Variants in CDC45 observed in about 807,000 individuals in gnomAD.
The protein encoded by CDC45 is cell division control protein 45 homolog.
Under a neutral mutation model 77.8 loss-of-function variants are expected in CDC45, and 54 were observed. The observed-to-expected ratio is 0.69, with a 90% CI of 0.56 to 0.87. CDC45 has a LOEUF of 0.87. Among genes scored for constraint, CDC45 ranks in the 40% least tolerant of loss-of-function variants. The pLI, the probability that CDC45 is intolerant of heterozygous loss-of-function variation, is 0.00. For missense variants in CDC45, 649 were observed against 721.6 expected, an observed-to-expected ratio of 0.90 and a Z score of 1.15; for synonymous variants, 260 against 272.1, an observed-to-expected ratio of 0.96 and a Z score of 0.44.
chr22:19,499,032 C>A (rs979289706), intron 8 of CDC45, 69 bp from the exon 9 acceptor site: 2 of 1,517,380 alleles, frequency 1.3e-6, no homozygotes, highest in Non-Finnish European at 1.8e-6. Context: ...CATCATCTCA[C>A]TCCATCCCCC....
chr22:19,513,298 A>C (rs1002936826), intron 13 of CDC45, among the ~76,000 whole-genome samples: 3 of 152,196 alleles, frequency 2.0e-5, no homozygotes, highest in African/African-American at 7.2e-5. Flanking sequence ...AAAAAGATAT[A>C]AATTGTCTTA....
At chr22:19,496,158 C>G (rs1287156127) in intron 7 of CDC45, 129 bp downstream of exon 7, 1 of 679,478 alleles carries the variant, frequency 1.5e-6, no homozygotes, top group South Asian at 1.7e-5. Flanking sequence ...ATGTCTTCCC[C>G]CTGTGTGACC....
Position 19,482,819 on chromosome 22 carries a change from G to C in CDC45, c.334G>C (p.Asp112His), listed in dbSNP as rs768226051. 1 of 1,613,910 alleles carries C rather than the reference G, an allele frequency of 6.2e-7. No homozygotes were observed. Among genetic ancestry groups the C allele is most frequent in the South Asian group, 1.1e-5 (1 of 91,060 alleles). Reference sequence around the variant, plus strand: ...AGTCAATGTCGTCAATGTATACAACGATACCCAGGTACTTTTTGTGCTATG... The same window carrying C: ...AGTCAATGTCGTCAATGTATACAACCATACCCAGGTACTTTTTGTGCTATG... ...RPVNVVNVYN[D>H]TQIKLLIKQD... Residue 112 changes from aspartate (D) to histidine (H), a missense_variant, in exon 4 of 19, where the codon GAT becomes CAT. By Grantham distance (81) the Asp-to-His change is moderately conservative. Coordinates refer to ENST00000263201, the MANE Select transcript of CDC45 (RefSeq NM_003504.5).
chr22:19,497,508 G>A, intron 8 of CDC45, 61 bp downstream of exon 8: 8 of 1,397,270 alleles, frequency 5.7e-6, no homozygotes, highest in Admixed American at 3.4e-5. Flanking sequence ...TGCCACATAA[G>A]CAGCTCTGTC....
chr22:19,493,182 G>C (rs945173088), intron 5 of CDC45, among the ~76,000 whole-genome samples: 14 of 151,896 alleles, frequency 9.2e-5, no homozygotes, highest in African/African-American at 2.7e-4. Context: ...GTCTTGGGAG[G>C]TTGCTCCTTC....
rs776763514 is a variant in CDC45, at chr22:19,505,363, A to T, written c.706A>T (p.Met236Leu). Residue 236 changes from methionine (M) to leucine (L), a missense_variant and splice_region_variant, in exon 10 of 19, where the codon ATG becomes TTG. Met to Leu is a conservative substitution (Grantham distance 15). Coordinates refer to ENST00000263201, the MANE Select transcript of CDC45 (RefSeq NM_003504.5). Reference protein sequence around the residue: ...DQWVQDKITQMKYVTDVGVLQ... With the variant: ...DQWVQDKITQLKYVTDVGVLQ... Reference sequence around the variant, plus strand: ...GGCTTGTGCTACTTTTTTTTCCAGAATGAAATACGTGACTGATGTTGGTGT... The same window carrying T: ...GGCTTGTGCTACTTTTTTTTCCAGATTGAAATACGTGACTGATGTTGGTGT... The T allele has an allele frequency of 6.2e-7, 1 of 1,613,910 alleles. No individual in the cohort carries two copies. The highest frequency in any genetic ancestry group is 1.3e-5 in the African/African-American group (1 of 74,872).
chr22:19,495,631 A>G (rs1050282180), intron 6 of CDC45, among the ~76,000 whole-genome samples: 9 of 152,198 alleles, frequency 5.9e-5, no homozygotes, highest in African/African-American at 1.7e-4. Flanking sequence ...CAACCTGGAC[A>G]ACATAGTGAG....
chr22:19,500,765 C>T (rs1184276125), intron 9 of CDC45, among the ~76,000 whole-genome samples: 1 of 152,148 alleles, frequency 6.6e-6, no homozygotes, highest in Non-Finnish European at 1.5e-5. Flanking sequence ...AAGATCTCCT[C>T]CCATCTCCTT....
intron 9 of CDC45, among the ~76,000 whole-genome samples, chr22:19,503,524 A>G (rs961245241): frequency 6.6e-6 from 1 of 152,178 alleles, no homozygotes. Context: ...AAGATGAAAA[A>G]GTATATGGTC....
chr22:19,496,321 G>A (rs568990077), intron 7 of CDC45, among the ~76,000 whole-genome samples: 1 of 152,338 alleles, frequency 6.6e-6, no homozygotes, highest in East Asian at 1.9e-4. Context: ...CAAAAACACA[G>A]AATGAGTTTG....
At chr22:19,508,918 T>C (rs1038677474) in intron 13 of CDC45, among the ~76,000 whole-genome samples, 1 of 152,232 alleles carries the variant, frequency 6.6e-6, no homozygotes, top group African/African-American at 2.4e-5. Flanking sequence ...TTTTTTCTTT[T>C]TGATTTTTAA....
At chr22:19,484,870 A>C (rs73877072) in intron 5 of CDC45, among the ~76,000 whole-genome samples, 201 of 151,768 alleles carry the variant, frequency 1.3e-3, no homozygotes, top group African/African-American at 4.7e-3. Flanking sequence ...TCTTGGACCC[A>C]CTGTTATATT....
At chr22:19,482,940 G>A (rs1238372200) in intron 4 of CDC45, 113 bp downstream of exon 4, 1 of 881,466 alleles carries the variant, frequency 1.1e-6, no homozygotes, top group Non-Finnish European at 1.8e-6. Flanking sequence ...ACTGGGAACA[G>A]CCTGAACACA....
At chr22:19,504,141 T>C (rs757005410) in intron 9 of CDC45, among the ~76,000 whole-genome samples, 93 of 152,294 alleles carry the variant, frequency 6.1e-4, no homozygotes, top group Non-Finnish European at 1.1e-3. Flanking sequence ...ACCAGCAGGT[T>C]TGTATGCCTG....
chr22:19,497,315 A>G lies in CDC45; in HGVS notation c.592-71A>G, dbSNP rs946771009. The G allele has an allele frequency of 8.4e-6, 12 of 1,432,152 alleles. No individual in the cohort carries two copies. In the Admixed American group the frequency reaches 1.5e-4, roughly 18 times the overall value. The allele number at this position is 1,432,152 out of a possible 1,614,324, so 88.7% of individuals were successfully genotyped here. On this transcript the variant is annotated intron_variant, in intron 7 of 18. Transcript: ENST00000263201. ...GCCAGGGCCCTTCTGGCTCAAGTCC[A>G]GTCTGGCTGCATGGCCCAGCCCCAG...
intron 15 of CDC45, among the ~76,000 whole-genome samples, chr22:19,515,760 C>T (rs139972588): frequency 2.0e-5 from 3 of 152,342 alleles, no homozygotes; most frequent in Non-Finnish European, 4.4e-5. Context: ...TGAGCCTCCT[C>T]ATTTGCCAGT....
chr22:19,506,498 G>A (rs1933181695), intron 10 of CDC45, among the ~76,000 whole-genome samples: 1 of 152,084 alleles, frequency 6.6e-6, no homozygotes, highest in Admixed American at 6.5e-5. Flanking sequence ...GGAGTTGGGA[G>A]GGGCAGTGGT....
intron 9 of CDC45, among the ~76,000 whole-genome samples, chr22:19,502,659 G>A (rs954364729): frequency 6.6e-6 from 1 of 152,208 alleles, no homozygotes; most frequent in African/African-American, 2.4e-5. Flanking sequence ...ATCCCAGTAG[G>A]TAATTCAGTG....
intron 17 of CDC45, 120 bp downstream of exon 17, chr22:19,517,013 TC>T: frequency 1.2e-6 from 1 of 808,300 alleles, no homozygotes; most frequent in Non-Finnish European, 2.1e-6. Context: ...CTCTTGACCT[TC>T]CAGATCTGGC....
Sources: gnomAD v4.1 joint callset for allele counts (sites outside exome capture counted in the v4.1 genomes callset) on GRCh38, gnomAD v4.1.1 for gene constraint, MANE v1.5 for transcripts, NCBI Gene and HGNC (gene_info 2026-07-23, HGNC 2026-07-21) for gene names.